Variants in NRXN3 observed in about 807,000 individuals in gnomAD.
The protein encoded by NRXN3 is neurexin III.
In NRXN3, 32 loss-of-function variants were observed where a neutral mutation model predicts 137.6. The observed-to-expected ratio is 0.23, with a 90% CI of 0.18 to 0.31. The LOEUF (loss-of-function observed/expected upper bound fraction) is 0.31. Among genes scored for constraint, NRXN3 ranks in the 10% least tolerant of loss-of-function variants. NRXN3 has a pLI of 1.00. For missense variants in NRXN3, 1,574 were observed against 2,062.5 expected, an observed-to-expected ratio of 0.76 and a Z score of 4.59; for synonymous variants, 798 against 784.5, an observed-to-expected ratio of 1.02 and a Z score of -0.29.
intron 15 of NRXN3, among the ~76,000 whole-genome samples, chr14:79,160,317 C>G (rs992949075): frequency 6.6e-6 from 1 of 151,940 alleles, no homozygotes; most frequent in Non-Finnish European, 1.5e-5. Context: ...AGTCCTTTCT[C>G]TGACCTGGAT....
chr14:79,162,263 G>C (rs1300984512), intron 15 of NRXN3, among the ~76,000 whole-genome samples: 1 of 150,630 alleles, frequency 6.6e-6, no homozygotes, highest in African/African-American at 2.4e-5. Flanking sequence ...TCTAGCATTA[G>C]GTATATCTCC....
chr14:78,932,881 A>G (rs924463553), intron 10 of NRXN3, among the ~76,000 whole-genome samples: 3 of 152,212 alleles, frequency 2.0e-5, no homozygotes, highest in Non-Finnish European at 2.9e-5. Flanking sequence ...AATCCAGGGT[A>G]CCTTCTATGT....
intron 3 of NRXN3, among the ~76,000 whole-genome samples, chr14:78,289,466 A>G (rs2075556652): frequency 2.6e-5 from 4 of 152,138 alleles, no homozygotes; most frequent in South Asian, 4.1e-4. Context: ...AGAATCTTAG[A>G]GTTGGGAGGA....
rs568020665 is a variant in NRXN3 at position 78,522,091 on chromosome 14, A to T, written c.758-123029A>T. Among the ~76,000 whole-genome samples the T allele has an allele frequency of 5.8e-4, 88 of 152,328 alleles. 1 individual carries two copies. The highest frequency in any genetic ancestry group is 8.7e-4 in the Non-Finnish European group (59 of 68,014). On this transcript the variant is annotated intron_variant, in intron 4 of 20. Transcript: ENST00000335750. The stretch of plus-strand genomic sequence containing the variant: ...CTTATCTGGCTGGTATGATTTAGGC[A>T]TTATTTTATCACTAGAAAAGCCATA...
intron 4 of NRXN3, among the ~76,000 whole-genome samples, chr14:78,485,568 C>G (rs949517773): frequency 2.0e-5 from 3 of 152,180 alleles, no homozygotes; most frequent in Non-Finnish European, 2.9e-5. Context: ...AGTAAATGCT[C>G]AACAAATTGT....
At chr14:78,240,097 G>A (rs2066888911) in intron 1 of NRXN3, among the ~76,000 whole-genome samples, 1 of 152,144 alleles carries the variant, frequency 6.6e-6, no homozygotes, top group Admixed American at 6.5e-5. Context: ...TTTATTTCAT[G>A]CTACCAAAGT....
intron 15 of NRXN3, among the ~76,000 whole-genome samples, chr14:79,388,804 A>G (rs2094737416): frequency 1.3e-5 from 2 of 152,102 alleles, no homozygotes; most frequent in African/African-American, 4.8e-5. Context: ...AGCTCCCATA[A>G]TGCCCGAATG....
At chr14:78,453,440 C>A (rs1411732485) in intron 4 of NRXN3, among the ~76,000 whole-genome samples, 1 of 152,176 alleles carries the variant, frequency 6.6e-6, no homozygotes, top group African/African-American at 2.4e-5. Flanking sequence ...TGCCATTTTG[C>A]TCTGCAAAGT....
intron 16 of NRXN3, among the ~76,000 whole-genome samples, chr14:79,517,102 CCT>C (rs1555499674): frequency 6.6e-6 from 1 of 150,888 alleles, no homozygotes; most frequent in African/African-American, 2.4e-5. Flanking sequence ...GCCCCCCCCC[CCT>C]CAACGAATGG....
intron 2 of NRXN3, among the ~76,000 whole-genome samples, chr14:78,260,001 A>G (rs911790915): frequency 1.4e-4 from 22 of 152,192 alleles, no homozygotes; most frequent in Admixed American, 1.3e-4. Context: ...CTATGTGGAC[A>G]TGCATGCTTT....
At chr14:78,811,455 T>C (rs1213856579) in intron 10 of NRXN3, among the ~76,000 whole-genome samples, 1 of 152,210 alleles carries the variant, frequency 6.6e-6, no homozygotes, top group Non-Finnish European at 1.5e-5. Context: ...CTATCCATAT[T>C]TGGTTTGCTA....
At position 78,262,910 on chromosome 14, in the gene NRXN3, T is replaced by C. The variant is rs1025154121; in HGVS notation, c.710-15735T>C. On this transcript the variant is annotated intron_variant, in intron 2 of 20. Transcript: ENST00000335750. ...TCACCTTTTATTCCCATTTTACAGA[T>C]GAGGAGACGGAAGCACAGAGACTTC... Among the ~76,000 whole-genome samples, 4 of 152,232 alleles carry C rather than the reference T, an allele frequency of 2.6e-5. No individual in the cohort carries two copies. The East Asian group carries it at 5.8e-4, about 22-fold the overall frequency.
intron 4 of NRXN3, among the ~76,000 whole-genome samples, chr14:78,524,118 G>T (rs2096337016): frequency 6.6e-6 from 1 of 152,154 alleles, no homozygotes; most frequent in South Asian, 2.1e-4. Flanking sequence ...ACAAAAAGAT[G>T]TGCTGCAAGC....
At chr14:78,502,124 C>T (rs568896778) in intron 4 of NRXN3, among the ~76,000 whole-genome samples, 1 of 152,122 alleles carries the variant, frequency 6.6e-6, no homozygotes, top group South Asian at 2.1e-4. Flanking sequence ...ACAGCTCTTT[C>T]CCCCAGCACA....
chr14:79,416,284 G>A (rs1027351297), intron 15 of NRXN3, among the ~76,000 whole-genome samples: 2 of 151,994 alleles, frequency 1.3e-5, no homozygotes, highest in Non-Finnish European at 2.9e-5. Context: ...TCACTGTCCC[G>A]TTCATTCTTA....
At chr14:78,866,946 C>T (rs552580295) in intron 10 of NRXN3, among the ~76,000 whole-genome samples, 1 of 151,904 alleles carries the variant, frequency 6.6e-6, no homozygotes, top group African/African-American at 2.4e-5. Context: ...TACAGGCACA[C>T]ACCACCATGC....
intron 16 of NRXN3, among the ~76,000 whole-genome samples, chr14:79,492,401 G>A (rs541218927): frequency 1.1e-4 from 17 of 152,030 alleles, no homozygotes; most frequent in Non-Finnish European, 1.8e-4. Flanking sequence ...GCGGGGGATG[G>A]GGGCAGGGTC....
intron 4 of NRXN3, among the ~76,000 whole-genome samples, chr14:78,437,940 C>A (rs2094127096): frequency 6.6e-6 from 1 of 152,060 alleles, no homozygotes; most frequent in African/African-American, 2.4e-5. Flanking sequence ...ATTCTGCAAA[C>A]AGACTTAATT....
In NRXN3 at chr14:79,131,919, C is replaced by T. The variant is rs563296811; in HGVS notation, c.3262+143778C>T. On this transcript the variant is annotated intron_variant, in intron 15 of 20. Transcript: ENST00000335750. ...AAGCCTGTCGGAAAAACACAGTATT[C>T]GGGTGGGAGTGACCCGATTTTCCAG... Among the ~76,000 whole-genome samples the T allele has an allele frequency of 1.1e-4, 17 of 152,352 alleles. No homozygotes were observed. The East Asian group carries it at 1.7e-3, about 16-fold the overall frequency.
Sources: gnomAD v4.1 joint callset for allele counts (sites outside exome capture counted in the v4.1 genomes callset) on GRCh38, gnomAD v4.1.1 for gene constraint, MANE v1.5 for transcripts, NCBI Gene and HGNC (gene_info 2026-07-23, HGNC 2026-07-21) for gene names.